Variants in CRACR2A observed in about 807,000 individuals in gnomAD.
CRACR2A encodes the protein EF-hand calcium-binding domain-containing protein 4B.
In CRACR2A, 79 loss-of-function variants were observed where a neutral mutation model predicts 90.5. The observed-to-expected ratio is 0.87, with a 90% CI of 0.73 to 1.05. CRACR2A has a LOEUF of 1.05. Ranked by LOEUF, CRACR2A falls within the 50% of genes least tolerant of loss-of-function variation. CRACR2A has a pLI of 0.00. For synonymous variants in CRACR2A, 338 were observed against 356.7 expected (o/e 0.95, Z 0.59); for missense variants, 823 against 897.2 (o/e 0.92, Z 1.06).
chr12:3,647,126 C>T (rs1466400584), intron 11 of CRACR2A, among the ~76,000 whole-genome samples: 2 of 152,148 alleles, frequency 1.3e-5, no homozygotes, highest in Non-Finnish European at 2.9e-5. Context: ...CTCACCCCGT[C>T]ACACCCCAGC....
intron 6 of CRACR2A, among the ~76,000 whole-genome samples, chr12:3,675,419 T>C (rs1297576999): frequency 6.6e-6 from 1 of 152,162 alleles, no homozygotes; most frequent in African/African-American, 2.4e-5. Flanking sequence ...CCCAACATGA[T>C]GGCATCAGTA....
At chr12:3,646,368 G>A (rs1591652795) in intron 11 of CRACR2A, among the ~76,000 whole-genome samples, 1 of 152,360 alleles carries the variant, frequency 6.6e-6, no homozygotes, top group Non-Finnish European at 1.5e-5. Flanking sequence ...GGAGGGCACA[G>A]CCATGGTTAG....
intron 10 of CRACR2A, 132 bp from the exon 11 acceptor site, chr12:3,648,745 G>A: frequency 7.6e-7 from 1 of 1,311,998 alleles, no homozygotes; most frequent in South Asian, 1.5e-5. Context: ...CCTCCTCCTG[G>A]AGAGCTCCTA....
intron 3 of CRACR2A, among the ~76,000 whole-genome samples, chr12:3,702,702 A>T (rs1258621295): frequency 6.6e-6 from 1 of 152,232 alleles, no homozygotes; most frequent in African/African-American, 2.4e-5. Context: ...TATTATTAAG[A>T]TGTCATTTCT....
chr12:3,644,230 C>T (rs7133164), intron 12 of CRACR2A, among the ~76,000 whole-genome samples: 5,252 of 151,534 alleles, frequency 0.035, 118 homozygotes, highest in African/African-American at 0.06. Context: ...AAATTTTCAT[C>T]GAGATAAAAA....
intron 3 of CRACR2A, among the ~76,000 whole-genome samples, chr12:3,710,828 TG>T (rs1945998099): frequency 6.6e-6 from 1 of 150,416 alleles, no homozygotes; most frequent in Non-Finnish European, 1.5e-5. Context: ...GAAAGAAAGA[TG>T]GGACGTTTAC....
chr12:3,658,132 G>A (rs1944951832), intron 8 of CRACR2A, among the ~76,000 whole-genome samples: 1 of 152,232 alleles, frequency 6.6e-6, no homozygotes, highest in Admixed American at 6.5e-5. Flanking sequence ...GAAGGAGGGA[G>A]CAGAAGGGGA....
intron 1 of CRACR2A, among the ~76,000 whole-genome samples, chr12:3,750,162 C>T (rs10848920): frequency 0.41 from 62,687 of 151,632 alleles, 13,340 homozygotes; most frequent in East Asian, 0.67. Flanking sequence ...TCTCGAACTT[C>T]TGACCTCAGG....
intron 7 of CRACR2A, among the ~76,000 whole-genome samples, chr12:3,662,183 C>A (rs972612022): frequency 2.0e-5 from 3 of 152,118 alleles, no homozygotes; most frequent in Non-Finnish European, 4.4e-5. Context: ...CTGGGCCCAA[C>A]CAGACTCATA....
rs759183346 is a variant in CRACR2A, at chr12:3,648,253, G to T, written c.1118+289C>A. ...ATGCTCATTAAACCCAGCTCTGCTC[G>T]CATGAGATCAAGTACCAAGCACAGT... On this transcript the variant is annotated intron_variant, in intron 11 of 19. Transcript: ENST00000440314. 4.6e-6 allele frequency: 6 copies of T among 1,298,356 alleles called. No individual in the cohort carries two copies. The Middle Eastern group carries it at 1.5e-3, about 320-fold the overall frequency. 80.4% of individuals were successfully genotyped at this position (1,298,356 alleles called of 1,614,324 possible).
Position 3,633,630 on chromosome 12 carries a change from A to T in CRACR2A, c.1709T>A (p.Phe570Tyr), listed in dbSNP as rs375420342. ...SFLRRFCEDR[F>Y]SPGMAATVGI... Reference sequence around the variant, plus strand: ...CACAGTGGCCGCCATGCCTGGGGAGAACCGGTCCTCACAGAATCTCCTCAG... The same window carrying T: ...CACAGTGGCCGCCATGCCTGGGGAGTACCGGTCCTCACAGAATCTCCTCAG... The change falls in exon 15 of 20, where the codon TTC becomes TAC. Residue 570 changes from phenylalanine (F) to tyrosine (Y), a missense_variant. Physicochemically the swap from Phe to Tyr is conservative, Grantham distance 22. Coordinates refer to ENST00000440314, the MANE Select transcript of CRACR2A (RefSeq NM_001144958.2). The surrounding 1 kb of genome is among the most constrained non-coding windows in gnomAD (Gnocchi z 4.5). 1.7e-5 allele frequency: 27 copies of T among 1,551,528 alleles called. No individual in the cohort carries two copies. In the African/African-American group the frequency reaches 3.0e-4, roughly 17 times the overall value.
chr12:3,673,382 G>A (rs1446639209), intron 7 of CRACR2A, 64 bp downstream of exon 7: 1 of 1,549,042 alleles, frequency 6.5e-7, no homozygotes, highest in Non-Finnish European at 8.7e-7. Flanking sequence ...CTAAGAGAAA[G>A]TGCACCGTGT....
chr12:3,623,835 A>G (rs1300208449), intron 17 of CRACR2A, among the ~76,000 whole-genome samples: 1 of 152,202 alleles, frequency 6.6e-6, no homozygotes, highest in Non-Finnish European at 1.5e-5. Context: ...CATCTCATCA[A>G]GCAGTGCTGG....
chr12:3,683,288 A>G, intron 4 of CRACR2A, among the ~76,000 whole-genome samples: 1 of 152,116 alleles, frequency 6.6e-6, no homozygotes, highest in South Asian at 2.1e-4. Context: ...CCTCACCTTC[A>G]TTACCTCCCA....
chr12:3,615,570 T>C (rs751622255), intron 19 of CRACR2A, 131 bp from the exon 20 acceptor site: 9 of 667,488 alleles, frequency 1.3e-5, no homozygotes, highest in Non-Finnish European at 2.3e-5. Flanking sequence ...CACCACGGCA[T>C]CAGAGAGAGT....
rs779909615 is a variant in CRACR2A, at chr12:3,697,050, T to C, written c.-36-15A>G. On this transcript the variant is annotated splice_polypyrimidine_tract_variant and intron_variant, in intron 3 of 19. Transcript: ENST00000440314. ...TTTTTCAGAACCTGAACATAGAAAA[T>C]GGGAGAGAGAAGTGGGTGTGGTGGG... The C allele has an allele frequency of 8.4e-6, 13 of 1,546,770 alleles. No individual in the cohort carries two copies. The African/African-American group carries it at 9.6e-5, about 11-fold the overall frequency.
intron 2 of CRACR2A, chr12:3,732,620 C>T (rs1006965888): frequency 2.3e-4 from 35 of 152,484 alleles, no homozygotes; most frequent in African/African-American, 7.9e-4. Context: ...CCAGAATTGT[C>T]TGCCACCCCT....
intron 2 of CRACR2A, among the ~76,000 whole-genome samples, chr12:3,713,933 T>C (rs1753091309): frequency 6.6e-6 from 1 of 152,160 alleles, no homozygotes; most frequent in Non-Finnish European, 1.5e-5. Flanking sequence ...ACAGAATGCT[T>C]TGGCCACATG....
chr12:3,690,971 C>T (rs1051317150), intron 4 of CRACR2A, among the ~76,000 whole-genome samples: 1 of 152,148 alleles, frequency 6.6e-6, no homozygotes, highest in Non-Finnish European at 1.5e-5. Flanking sequence ...AGGATTGCAA[C>T]CCCTGCTTTT....
Sources: gnomAD v4.1 joint callset for allele counts (sites outside exome capture counted in the v4.1 genomes callset) on GRCh38, gnomAD v4.1.1 for gene constraint, Gnocchi (gnomAD v3.1) non-coding constraint, MANE v1.5 for transcripts, NCBI Gene and HGNC (gene_info 2026-07-23, HGNC 2026-07-21) for gene names.